The following SYT9 variants were observed in gnomAD, a reference collection of about 807,000 sequenced individuals.
The protein encoded by SYT9 is synaptotagmin 9.
A neutral mutation model predicts 48.4 loss-of-function variants in SYT9; 22 were observed. The ratio of observed to expected loss-of-function variants is 0.45; its 90% CI spans 0.32 to 0.65. The LOEUF (loss-of-function observed/expected upper bound fraction) is 0.65, where lower values mean the gene tolerates loss of function less well. Among genes scored for constraint, SYT9 ranks in the 30% least tolerant of loss-of-function variants. The pLI is 0.03. For synonymous variants in SYT9, 265 were observed against 245.0 expected (o/e 1.08, Z -0.76); for missense variants, 577 against 622.0 (o/e 0.93, Z 0.77).
At chr11:7,262,155 A>T (rs537020309) in intron 1 of SYT9, among the ~76,000 whole-genome samples, 4 of 152,150 alleles carry the variant, frequency 2.6e-5, no homozygotes, top group African/African-American at 9.7e-5. Flanking sequence ...GGTGGAGATG[A>T]CAACATTTAC....
chr11:7,463,550 G>T (rs1848270750), intron 6 of SYT9, among the ~76,000 whole-genome samples: 1 of 152,140 alleles, frequency 6.6e-6, no homozygotes, highest in Admixed American at 6.5e-5. Context: ...AACTTTTTCA[G>T]AACTGACTTG....
At chr11:7,329,566 G>A (rs185311902) in intron 3 of SYT9, among the ~76,000 whole-genome samples, 61 of 152,230 alleles carry the variant, frequency 4.0e-4, no homozygotes, top group Admixed American at 9.8e-4. Flanking sequence ...TACCTCTAGG[G>A]ACTCTTTTTC....
At chr11:7,394,672 G>A (rs552622315) in intron 3 of SYT9, among the ~76,000 whole-genome samples, 1 of 152,020 alleles carries the variant, frequency 6.6e-6, no homozygotes, top group African/African-American at 2.4e-5. Context: ...GCAGTCTCAA[G>A]TTTTTTTTAG....
chr11:7,381,657 C>T (rs756418474), intron 3 of SYT9, among the ~76,000 whole-genome samples: 2 of 152,206 alleles, frequency 1.3e-5, no homozygotes, highest in African/African-American at 2.4e-5. Flanking sequence ...CTGTTTGGGA[C>T]GTGTTTTGAA....
At chr11:7,346,176 A>G (rs1230838439) in intron 3 of SYT9, among the ~76,000 whole-genome samples, 1 of 152,218 alleles carries the variant, frequency 6.6e-6, no homozygotes, top group East Asian at 1.9e-4. Context: ...AACAGGAGGC[A>G]GCATGTTTAA....
chr11:7,337,703 A>G (rs1849652291), intron 3 of SYT9, among the ~76,000 whole-genome samples: 1 of 152,174 alleles, frequency 6.6e-6, no homozygotes, highest in Non-Finnish European at 1.5e-5. Flanking sequence ...CTTGCATCCC[A>G]GGGATAAAGC....
rs1465272321 is a variant in SYT9 at position 7,313,796 on chromosome 11, C to T, written c.899C>T (p.Ala300Val). The T allele has an allele frequency of 1.2e-6, 2 of 1,614,178 alleles. No homozygotes were observed. Among genetic ancestry groups the T allele is most frequent in the Non-Finnish European group, 1.7e-6 (2 of 1,180,022 alleles). Reference sequence around the variant, plus strand: ...CCGGTTCCCTACAATGACCTTGAAGCACGGAAGCTTCACTTCTCTGTGTAC... The same window carrying T: ...CCGGTTCCCTACAATGACCTTGAAGTACGGAAGCTTCACTTCTCTGTGTAC... ...LFPVPYNDLE[A>V]RKLHFSVYDF... Residue 300 changes from alanine (A) to valine (V), a missense_variant, in exon 3 of 7, where the codon GCA (alanine) becomes GTA (valine). Ala to Val is a moderately conservative substitution (Grantham distance 64). Transcript: ENST00000318881.
intron 6 of SYT9, among the ~76,000 whole-genome samples, chr11:7,430,148 C>T (rs573436313): frequency 1.3e-4 from 20 of 152,234 alleles, no homozygotes; most frequent in South Asian, 6.2e-4. Flanking sequence ...TTTATTTCTA[C>T]GTTATCTATT....
chr11:7,417,627 T>C (rs1847276881), intron 4 of SYT9, among the ~76,000 whole-genome samples: 1 of 152,232 alleles, frequency 6.6e-6, no homozygotes, highest in African/African-American at 2.4e-5. Flanking sequence ...GCCTTGGAAA[T>C]GCTGGTGCAT....
At chr11:7,279,695 T>C (rs1395582237) in intron 1 of SYT9, among the ~76,000 whole-genome samples, 1 of 152,210 alleles carries the variant, frequency 6.6e-6, no homozygotes, top group Non-Finnish European at 1.5e-5. Flanking sequence ...ATATAAATTT[T>C]AGAACCGTTG....
At position 7,398,037 on chromosome 11, in the gene SYT9, C is replaced by T. The variant is rs534786610; in HGVS notation, c.1045-18005C>T. Among the ~76,000 whole-genome samples the T allele has an allele frequency of 5.6e-4, 85 of 152,308 alleles. No homozygotes were observed. The South Asian group carries it at 8.1e-3, about 14-fold the overall frequency. ...CAGAAGAGATGAGAGCAGACATCCT[C>T]CCAATGCTCCTCTAGGGAGAAATTT... On this transcript the variant is annotated intron_variant, in intron 3 of 6. Transcript: ENST00000318881.
At chr11:7,451,496 AC>A (rs1848046454) in intron 6 of SYT9, among the ~76,000 whole-genome samples, 1 of 152,204 alleles carries the variant, frequency 6.6e-6, no homozygotes, top group Non-Finnish European at 1.5e-5. Flanking sequence ...AGATAAAAGA[AC>A]CACATTTTCC....
At chr11:7,276,239 C>T (rs1589906352) in intron 1 of SYT9, among the ~76,000 whole-genome samples, 1 of 152,134 alleles carries the variant, frequency 6.6e-6, no homozygotes, top group Non-Finnish European at 1.5e-5. Context: ...AGTTTTATCT[C>T]GTAATAATTT....
Position 7,303,025 on chromosome 11 carries a change from T to C in SYT9, c.146-14T>C. On this transcript the variant is annotated splice_polypyrimidine_tract_variant and intron_variant, in intron 1 of 6. Transcript: ENST00000318881. ...GAATGACCACACTGACCTTTGATCT[T>C]TGCTTCTTTGCAGATATCTCAGTGA... 1 of 1,611,356 alleles carries C rather than the reference T, an allele frequency of 6.2e-7. No individual in the cohort carries two copies. The highest frequency in any genetic ancestry group is 1.1e-5 in the South Asian group (1 of 90,952).
upstream of SYT9, among the ~76,000 whole-genome samples, chr11:7,247,997 T>A (rs1170230711): frequency 6.6e-6 from 1 of 152,168 alleles, no homozygotes; most frequent in South Asian, 2.1e-4. Flanking sequence ...CTACTGTTTT[T>A]TGATTTTTTG....
intron 1 of SYT9, among the ~76,000 whole-genome samples, chr11:7,274,605 A>G (rs1589904893): frequency 6.6e-6 from 1 of 152,180 alleles, no homozygotes; most frequent in East Asian, 1.9e-4. Flanking sequence ...GGCATGAGCC[A>G]CTGTGCCTGG....
In SYT9 at chr11:7,459,558, T is replaced by C. The variant is rs1020074089; in HGVS notation, c.1468-7234T>C. On this transcript the variant is annotated intron_variant, in intron 6 of 6. Coordinates refer to ENST00000318881, the MANE Select transcript of SYT9 (RefSeq NM_175733.4). ...ATAAAATGAAGATTAAGAACTGACA[T>C]TGGGTTTACCAATGTGCTGGATATT... 5.9e-5 allele frequency among the ~76,000 whole-genome samples: 9 copies of C among 152,278 alleles called. No individual in the cohort carries two copies. In the East Asian group the frequency reaches 9.7e-4, roughly 16 times the overall value.
chr11:7,387,854 C>T (rs1850690957), intron 3 of SYT9, among the ~76,000 whole-genome samples: 1 of 152,054 alleles, frequency 6.6e-6, no homozygotes, highest in African/African-American at 2.4e-5. Context: ...ACCATGTAAA[C>T]GTGAAAACAT....
At chr11:7,445,344 C>A (rs1847907113) in intron 6 of SYT9, among the ~76,000 whole-genome samples, 1 of 152,148 alleles carries the variant, frequency 6.6e-6, no homozygotes, top group African/African-American at 2.4e-5. Flanking sequence ...GCATATGTGG[C>A]ATGGGCTGGG....
Sources: allele counts gnomAD v4.1 joint callset (sites outside exome capture counted in the v4.1 genomes callset), GRCh38; gene constraint gnomAD v4.1.1; transcripts MANE v1.5; gene names NCBI Gene and HGNC (gene_info 2026-07-23, HGNC 2026-07-21).